NELL2: variants seen among roughly 807,000 people sequenced by gnomAD.
NELL2 encodes the protein protein kinase C-binding protein NELL2.
Under a neutral mutation model 109.6 loss-of-function variants are expected in NELL2, and 41 were observed. The observed-to-expected ratio is 0.37, with a 90% CI of 0.29 to 0.49. NELL2 has a LOEUF of 0.49. NELL2 is among the 20% of genes least tolerant of loss of function. The pLI, the probability that NELL2 is intolerant of heterozygous loss-of-function variation, is 0.98. For synonymous variants in NELL2, 355 were observed against 344.7 expected, an observed-to-expected ratio of 1.03 and a Z score of -0.33; for missense variants, 900 against 1,008.3, an observed-to-expected ratio of 0.89 and a Z score of 1.45.
intron 12 of NELL2, among the ~76,000 whole-genome samples, chr12:44,694,455 T>A (rs1948990415): frequency 6.6e-6 from 1 of 151,342 alleles, no homozygotes; most frequent in Admixed American, 6.6e-5. Flanking sequence ...ACCTCCATAA[T>A]CATGTGAGCC....
chr12:44,644,649 T>TATATATAC lies in NELL2; in HGVS notation c.1444+20834_1444+20835insGTATATAT, dbSNP rs143698562. Among the ~76,000 whole-genome samples the TATATATAC allele has an allele frequency of 6.2e-5, 8 of 129,486 alleles. No homozygotes were observed. In the East Asian group the frequency reaches 7.0e-4, roughly 11 times the overall value. The allele number at this position is 129,486 out of a possible 152,430, so 84.9% of individuals were successfully genotyped here. On this transcript the variant is annotated intron_variant, in intron 13 of 19. Transcript: ENST00000429094. Reference sequence around the variant, plus strand: ...ATACATACATATATATATATATATATACACACACACAACACTGCATACTCA... The same window carrying TATATATAC: ...ATACATACATATATATATATATATATATATATACACACACACACAACACTGCATACTCA...
intron 13 of NELL2, among the ~76,000 whole-genome samples, chr12:44,662,698 A>G (rs1003236814): frequency 6.6e-6 from 1 of 152,214 alleles, no homozygotes; most frequent in Non-Finnish European, 1.5e-5. Flanking sequence ...AGGCTTCTTT[A>G]TTGATCAAAG....
chr12:44,801,325 A>T (rs977907703), intron 3 of NELL2, among the ~76,000 whole-genome samples: 1 of 152,150 alleles, frequency 6.6e-6, no homozygotes, highest in African/African-American at 2.4e-5. Flanking sequence ...CTGGCTTTTT[A>T]GCCAGTTTTT....
chr12:44,765,443 T>C (rs919621709), intron 9 of NELL2, among the ~76,000 whole-genome samples: 2 of 152,188 alleles, frequency 1.3e-5, no homozygotes, highest in Non-Finnish European at 2.9e-5. Context: ...TATGGCCCTA[T>C]GGCTTAACCC....
chr12:44,635,046 T>A (rs566387517), intron 13 of NELL2, among the ~76,000 whole-genome samples: 1 of 152,308 alleles, frequency 6.6e-6, no homozygotes, highest in South Asian at 2.1e-4. Context: ...GATGATGAGT[T>A]TTTTTTCATG....
At chr12:44,601,775 T>C (rs1945230928) in intron 15 of NELL2, among the ~76,000 whole-genome samples, 1 of 152,176 alleles carries the variant, frequency 6.6e-6, no homozygotes, top group African/African-American at 2.4e-5. Context: ...ACCCATGAGA[T>C]AGATATTACT....
In NELL2 at chr12:44,623,916, C is replaced by T. The variant is rs535310950; in HGVS notation, c.1445-12946G>A. 3.3e-5 allele frequency among the ~76,000 whole-genome samples: 5 copies of T among 152,060 alleles called. No homozygotes were observed. The South Asian group carries it at 8.3e-4, about 25-fold the overall frequency. ...AAACCAAACACTGCATGTTCTCACT[C>T]ATGAGTGAGAGTTGAACAATGAGAA... On this transcript the variant is annotated intron_variant, in intron 13 of 19. Coordinates refer to ENST00000429094, the MANE Select transcript of NELL2 (RefSeq NM_001145108.2).
At position 44,508,736 on chromosome 12, in the gene NELL2, G is replaced by A. The variant is rs1274166136; in HGVS notation, c.*198C>T. 3 of 584,436 alleles carry A rather than the reference G, an allele frequency of 5.1e-6. No homozygotes were observed. Among genetic ancestry groups the A allele is most frequent in the Non-Finnish European group, 9.3e-6 (3 of 321,922 alleles). The allele number at this position is 584,436 out of a possible 1,614,324, so 36.2% of individuals were successfully genotyped here. Reference sequence around the variant, plus strand: ...TGTGAGACACAGTAGAGGCAGACTTGAGGTCTAATTTTGCCCCAGTAATTT... The same window carrying A: ...TGTGAGACACAGTAGAGGCAGACTTAAGGTCTAATTTTGCCCCAGTAATTT... On this transcript the variant is annotated 3_prime_UTR_variant, in exon 20 of 20. Coordinates refer to ENST00000429094, the MANE Select transcript of NELL2 (RefSeq NM_001145108.2).
chr12:44,650,261 G>A (rs1947252809), intron 13 of NELL2, among the ~76,000 whole-genome samples: 1 of 150,620 alleles, frequency 6.6e-6, no homozygotes, highest in Non-Finnish European at 1.5e-5. Context: ...CAGACTGCCT[G>A]TTGTGGACTG....
chr12:44,823,059 C>T (rs1943595450), intron 2 of NELL2, among the ~76,000 whole-genome samples: 1 of 152,088 alleles, frequency 6.6e-6, no homozygotes, highest in Non-Finnish European at 1.5e-5. Context: ...TACTGAAAAA[C>T]AGAGTCAAGT....
intron 3 of NELL2, among the ~76,000 whole-genome samples, chr12:44,791,067 A>ATATATATATG (rs1395261697): frequency 1.0e-4 from 1 of 9,874 alleles, no homozygotes; most frequent in African/African-American, 1.9e-4. Context: ...AAGTTCAAGT[A>ATATATATATG]TATATATATA....
At chr12:44,727,289 T>C (rs1402669608) in intron 9 of NELL2, among the ~76,000 whole-genome samples, 2 of 152,112 alleles carry the variant, frequency 1.3e-5, no homozygotes, top group African/African-American at 2.4e-5. Context: ...CAGATGATTC[T>C]AATGTCTGAG....
chr12:44,920,178 G>A (rs898360750), intron 1 of NELL2, among the ~76,000 whole-genome samples: 1 of 152,092 alleles, frequency 6.6e-6, no homozygotes, highest in Non-Finnish European at 1.5e-5. Context: ...TAGAAATAAA[G>A]TAGAAGAATA....
intron 2 of NELL2, among the ~76,000 whole-genome samples, chr12:44,826,508 A>T (rs879014017): frequency 4.6e-5 from 7 of 152,248 alleles, no homozygotes; most frequent in Admixed American, 3.3e-4. Flanking sequence ...TAACAATTTT[A>T]AAAGCCATTA....
At chr12:44,684,308 T>C (rs1948635185) in intron 12 of NELL2, among the ~76,000 whole-genome samples, 1 of 152,218 alleles carries the variant, frequency 6.6e-6, no homozygotes. Context: ...TTCTTCTCTC[T>C]TTTTTCTTTA....
intron 14 of NELL2, among the ~76,000 whole-genome samples, chr12:44,607,522 T>C (rs1945452007): frequency 6.6e-6 from 1 of 152,004 alleles, no homozygotes; most frequent in Admixed American, 6.6e-5. Context: ...AAACAGCAAA[T>C]TTACACAATA....
chr12:44,783,790 G>A (rs938691510), intron 3 of NELL2, among the ~76,000 whole-genome samples: 3 of 151,916 alleles, frequency 2.0e-5, no homozygotes, highest in African/African-American at 7.2e-5. Flanking sequence ...CTTCCAGAAA[G>A]TAACAGAGAG....
At chr12:44,796,326 C>A (rs532656971) in intron 3 of NELL2, among the ~76,000 whole-genome samples, 150 of 152,174 alleles carry the variant, frequency 9.9e-4, no homozygotes, top group African/African-American at 3.3e-3. Flanking sequence ...TAACAAGAAT[C>A]TACTGAACTA....
chr12:44,821,736 T>A (rs1321386850), intron 2 of NELL2, among the ~76,000 whole-genome samples: 1 of 151,696 alleles, frequency 6.6e-6, no homozygotes, highest in South Asian at 2.1e-4. Context: ...TTTTTTTTTT[T>A]AGACAGAGTC....
Sources: allele counts gnomAD v4.1 joint callset (sites outside exome capture counted in the v4.1 genomes callset), GRCh38; gene constraint gnomAD v4.1.1; transcripts MANE v1.5; gene names NCBI Gene and HGNC (gene_info 2026-07-23, HGNC 2026-07-21).